The following ZFYVE21 variants were observed in gnomAD, a reference collection of about 807,000 sequenced individuals.
The protein encoded by ZFYVE21 is zinc finger FYVE-type containing 21.
ZFYVE21 carries 21 observed loss-of-function variants against 29.5 expected under a neutral mutation model. That is an observed-to-expected ratio of 0.71 (90% CI 0.50 to 1.02). The LOEUF is 1.02. ZFYVE21 is among the 50% of genes least tolerant of loss of function. ZFYVE21 has a pLI of 0.00. For synonymous variants in ZFYVE21, 151 were observed against 133.8 expected (o/e 1.13, Z -0.89); for missense variants, 326 against 335.4 (o/e 0.97, Z 0.22).
intron 5 of ZFYVE21, chr14:103,729,583 G>C: frequency 1.5e-6 from 1 of 646,586 alleles, no homozygotes; most frequent in Non-Finnish European, 2.6e-6. Context: ...GCAGGCGTCT[G>C]TGCAGACTAA....
At chr14:103,729,530 T>A in intron 5 of ZFYVE21, 1 of 584,710 alleles carries the variant, frequency 1.7e-6, no homozygotes, top group Non-Finnish European at 3.0e-6. Context: ...CAAAAAGGTC[T>A]GAATGGTGGC....
At chr14:103,723,113 A>G (rs774491977) in intron 1 of ZFYVE21, among the ~76,000 whole-genome samples, 35 of 152,254 alleles carry the variant, frequency 2.3e-4, no homozygotes, top group Middle Eastern at 3.4e-3. Context: ...GAGACCATCA[A>G]TAGTTACTCT....
At chr14:103,721,565 C>T (rs1049021853) in intron 1 of ZFYVE21, among the ~76,000 whole-genome samples, 5 of 152,216 alleles carry the variant, frequency 3.3e-5, no homozygotes, top group African/African-American at 1.2e-4. Flanking sequence ...AGCACTTGGG[C>T]CCCGCCGTCC....
At chr14:103,718,244 G>T (rs1011487872) in intron 1 of ZFYVE21, among the ~76,000 whole-genome samples, 2 of 152,186 alleles carry the variant, frequency 1.3e-5, no homozygotes. Context: ...TAAACGTGTT[G>T]GTCCATTTTC....
At chr14:103,724,295 A>G (rs1055941392) in intron 1 of ZFYVE21, among the ~76,000 whole-genome samples, 1 of 152,202 alleles carries the variant, frequency 6.6e-6, no homozygotes, top group African/African-American at 2.4e-5. Context: ...TCGCCGGCCC[A>G]GGGTTGGGCT....
chr14:103,729,250 A>G (rs899230639), intron 5 of ZFYVE21, 68 bp downstream of exon 5: 2 of 1,551,304 alleles, frequency 1.3e-6, no homozygotes, highest in African/African-American at 1.4e-5. Context: ...CAAGAGGAGC[A>G]TGCACTTTTG....
intron 1 of ZFYVE21, among the ~76,000 whole-genome samples, chr14:103,721,937 G>A (rs948134043): frequency 4.6e-5 from 7 of 152,336 alleles, no homozygotes; most frequent in Middle Eastern, 3.4e-3. Context: ...AGACACCGCT[G>A]GCCACCTACG....
In ZFYVE21 at chr14:103,716,013, C is replaced by CCCGCCCCG. The variant is rs1046842670; in HGVS notation, c.138+43_138+50dup. The stretch of plus-strand genomic sequence containing the variant: ...CCGTCGCCCCGGCCAGCGCCTCCGA[C>CCCGCCCCG]CCGCCCCGCCGCCCCGGCCCGGCCC... On this transcript the variant is annotated intron_variant, in intron 1 of 6. Transcript: ENST00000311141. The surrounding 1 kb of genome is among the most constrained non-coding windows in gnomAD (Gnocchi z 4.8). 5.8e-6 allele frequency: 7 copies of CCCGCCCCG among 1,199,702 alleles called. No homozygotes were observed. Among genetic ancestry groups the CCCGCCCCG allele is most frequent in the Non-Finnish European group, 7.3e-6 (7 of 963,080 alleles). 74.3% of individuals were successfully genotyped at this position (1,199,702 alleles called of 1,614,324 possible).
chr14:103,729,727 C>CT, intron 5 of ZFYVE21: 1 of 1,526,216 alleles, frequency 6.6e-7, no homozygotes, highest in Admixed American at 2.0e-5. Context: ...TGTTGCTTTC[C>CT]TTCCGTTCTC....
chr14:103,718,492 CTG>C (rs2083846519), intron 1 of ZFYVE21, among the ~76,000 whole-genome samples: 1 of 152,240 alleles, frequency 6.6e-6, no homozygotes, highest in Admixed American at 6.5e-5. Flanking sequence ...TTTCTCCAGT[CTG>C]TGCCTCCTCA....
intron 1 of ZFYVE21, among the ~76,000 whole-genome samples, chr14:103,723,599 C>T (rs544269989): frequency 1.1e-3 from 163 of 152,322 alleles, no homozygotes; most frequent in Middle Eastern, 3.4e-3. Flanking sequence ...ATGAGGCCCT[C>T]GTGTGGGTCG....
At chr14:103,732,226 GCC>G (rs2083985898) in intron 5 of ZFYVE21, 1 of 151,450 alleles carries the variant, frequency 6.6e-6, no homozygotes, top group Admixed American at 6.6e-5. Flanking sequence ...TCTTCCCCCA[GCC>G]CTGGGTGCAG....
intron 3 of ZFYVE21, 137 bp downstream of exon 3, chr14:103,728,051 C>G (rs1464687938): frequency 3.9e-5 from 38 of 986,636 alleles, no homozygotes; most frequent in Non-Finnish European, 5.4e-5. Context: ...CCGTTTTCTT[C>G]TGGATTCGTT....
chr14:103,718,939 T>C (rs1486823573), intron 1 of ZFYVE21, among the ~76,000 whole-genome samples: 1 of 152,184 alleles, frequency 6.6e-6, no homozygotes, highest in East Asian at 1.9e-4. Context: ...TAGAGGCGTC[T>C]GGAGCTGTGC....
chr14:103,722,707 T>C (rs1655856133), intron 1 of ZFYVE21, among the ~76,000 whole-genome samples: 1 of 151,990 alleles, frequency 6.6e-6, no homozygotes, highest in African/African-American at 2.4e-5. Flanking sequence ...TAGTTCCAGC[T>C]ACTTGGGAGG....
At chr14:103,728,662 GA>G in intron 3 of ZFYVE21, 1 of 471,916 alleles carries the variant, frequency 2.1e-6, no homozygotes, top group African/African-American at 2.0e-5. Flanking sequence ...GGATGTAAAA[GA>G]ATTTCTAGGA....
At chr14:103,717,028 A>C (rs2083828293) in intron 1 of ZFYVE21, among the ~76,000 whole-genome samples, 1 of 152,240 alleles carries the variant, frequency 6.6e-6, no homozygotes, top group Non-Finnish European at 1.5e-5. Flanking sequence ...TCAAGAAGTC[A>C]AAGTAGCACT....
rs528248915 is a variant in ZFYVE21 at position 103,727,175 on chromosome 14, A to T, written c.189+333A>T. The T allele has an allele frequency of 7.4e-5, 26 of 350,182 alleles. No homozygotes were observed. In the East Asian group the frequency reaches 1.9e-3, roughly 26 times the overall value. 21.7% of individuals were successfully genotyped at this position (350,182 alleles called of 1,614,324 possible). A position where few individuals can be genotyped will look rare whatever the true frequency, so the allele number is the denominator to read the frequency against. ...TGGCCAGGCTGGTCTCGAACTCCTG[A>T]CCTCAAATGATCCTCCCACCTCGGC... On this transcript the variant is annotated intron_variant, in intron 2 of 6. Transcript: ENST00000311141.
At chr14:103,722,447 T>G (rs12895405) in intron 1 of ZFYVE21, among the ~76,000 whole-genome samples, 1 of 145,334 alleles carries the variant, frequency 6.9e-6, no homozygotes, top group Admixed American at 7.3e-5. Context: ...CTCGACCTCC[T>G]GGGCTCAAGC....
Sources: allele counts gnomAD v4.1 joint callset (sites outside exome capture counted in the v4.1 genomes callset), GRCh38; gene constraint gnomAD v4.1.1; non-coding constraint Gnocchi (gnomAD v3.1); transcripts MANE v1.5; gene names NCBI Gene and HGNC (gene_info 2026-07-23, HGNC 2026-07-21).